ATG7: variants seen among roughly 807,000 people sequenced by gnomAD.
ATG7 encodes autophagy related 7.
ATG7 carries 70 observed loss-of-function variants against 82.4 expected under a neutral mutation model. The ratio of observed to expected loss-of-function variants is 0.85; its 90% confidence interval spans 0.70 to 1.04. The LOEUF is 1.04. Among genes scored for constraint, ATG7 ranks in the 50% least tolerant of loss-of-function variants. ATG7 has a pLI of 0.00. For synonymous variants in ATG7, 287 were observed against 313.0 expected, an observed-to-expected ratio of 0.92 and a Z score of 0.88; for missense variants, 792 against 864.3, an observed-to-expected ratio of 0.92 and a Z score of 1.05.
chr3:11,386,464 T>C (rs912550801), intron 19 of ATG7, among the ~76,000 whole-genome samples: 2 of 152,194 alleles, frequency 1.3e-5, no homozygotes, highest in African/African-American at 4.8e-5. Flanking sequence ...TGGTACTATA[T>C]TGAGGATACT....
At chr3:11,575,069 C>CA in the ATG7 span, among the ~76,000 whole-genome samples, 1 of 152,196 alleles carries the variant, frequency 6.6e-6, no homozygotes, top group South Asian at 2.1e-4. Context: ...GCCAACCCCC[C>CA]ATTCCCACTT....
At position 11,272,416 on chromosome 3, in the gene ATG7, G is replaced by C. The variant is rs1322190180; in HGVS notation, c.-380G>C. 6.6e-6 allele frequency: 1 copy of C among 152,508 alleles called. No homozygotes were observed. Among genetic ancestry groups the C allele is most frequent in the Non-Finnish European group, 1.5e-5 (1 of 68,128 alleles). The allele number at this position is 152,508 out of a possible 1,614,324, so 9.4% of individuals were successfully genotyped here. On this transcript the variant is annotated 5_prime_UTR_variant, in exon 1 of 21. Coordinates refer to ENST00000693202, the MANE Select transcript of ATG7 (RefSeq NM_001349232.2). ...CGCCTCAGAGAGAGCTGTGGTTGCC[G>C]GAAGTTGAGCGGCGGTAAGTGAGCC...
rs146594051 is a variant in ATG7, at chr3:11,524,123, C to G, written c.2080-30688C>G. 7.7e-3 allele frequency among the ~76,000 whole-genome samples: 1,178 copies of G among 152,334 alleles called. 10 individuals are homozygous for G. The highest frequency in any genetic ancestry group is 0.027 in the African/African-American group (1,135 of 41,576). On this transcript the variant is annotated intron_variant, in intron 20 of 20. Transcript: ENST00000693202. ...AAAGCAGCTTGAAATATTCTCTGTT[C>G]CATCAAAAGGAACCCCAAATCTCTC...
intron 20 of ATG7, among the ~76,000 whole-genome samples, chr3:11,494,135 A>C (rs2090621881): frequency 6.6e-6 from 1 of 152,222 alleles, no homozygotes; most frequent in Admixed American, 6.5e-5. Flanking sequence ...AGAAGGCTTT[A>C]ATCAGGCGCT....
chr3:11,572,989 G>A, the ATG7 span, among the ~76,000 whole-genome samples: 3 of 151,952 alleles, frequency 2.0e-5, no homozygotes, highest in South Asian at 2.1e-4. Context: ...CCAACATGGC[G>A]AATCCCCCTC....
intron 14 of ATG7, among the ~76,000 whole-genome samples, chr3:11,354,956 G>A (rs2075832609): frequency 6.6e-6 from 1 of 152,232 alleles, no homozygotes; most frequent in Non-Finnish European, 1.5e-5. Flanking sequence ...GCCCGTGAGA[G>A]CCCAGGGAGA....
At chr3:11,490,111 T>C (rs2090190644) in intron 20 of ATG7, among the ~76,000 whole-genome samples, 2 of 152,154 alleles carry the variant, frequency 1.3e-5, no homozygotes, top group Admixed American at 6.5e-5. Flanking sequence ...TGTGGGAGTC[T>C]AAGTCTCTTT....
intron 20 of ATG7, among the ~76,000 whole-genome samples, chr3:11,547,801 G>A (rs751652091): frequency 6.6e-6 from 1 of 152,120 alleles, no homozygotes; most frequent in Non-Finnish European, 1.5e-5. Flanking sequence ...GTGCTTCTTA[G>A]CAATTTGTGT....
Position 11,308,645 on chromosome 3 carries a change from C to A in ATG7, c.334-339C>A, listed in dbSNP as rs561434066. On this transcript the variant is annotated intron_variant, in intron 6 of 20. Transcript: ENST00000693202. ...CTGACTGTGTCTTTTATTTCTGTAA[C>A]CCTGATGTGCCTGGTATATAGTAGA... 1.4e-5 allele frequency: 4 copies of A among 285,998 alleles called. No homozygotes were observed. The South Asian group carries it at 1.9e-4, about 13-fold the overall frequency. 17.7% of individuals were successfully genotyped at this position (285,998 alleles called of 1,614,324 possible).
At chr3:11,417,805 A>ATTTTTTTTTTT (rs200364263) in intron 19 of ATG7, among the ~76,000 whole-genome samples, 4 of 52,752 alleles carry the variant, frequency 7.6e-5, no homozygotes, top group African/African-American at 1.3e-4. Context: ...TTATTATTTT[A>ATTTTTTTTTTT]TTTTATTTTA....
At chr3:11,455,707 A>G (rs1199858745) in intron 20 of ATG7, among the ~76,000 whole-genome samples, 1 of 152,200 alleles carries the variant, frequency 6.6e-6, no homozygotes, top group Non-Finnish European at 1.5e-5. Context: ...CGAGCTGGCC[A>G]CAACTACATC....
At chr3:11,329,461 C>G (rs1951333691) in intron 9 of ATG7, among the ~76,000 whole-genome samples, 2 of 152,178 alleles carry the variant, frequency 1.3e-5, no homozygotes, top group Non-Finnish European at 2.9e-5. Flanking sequence ...TCTCTGCCAG[C>G]AATTTCCCTC....
chr3:11,455,902 T>C (rs1939771460), intron 20 of ATG7, among the ~76,000 whole-genome samples: 1 of 152,206 alleles, frequency 6.6e-6, no homozygotes, highest in African/African-American at 2.4e-5. Flanking sequence ...TTTCAAACCA[T>C]CTAAGCCAGA....
chr3:11,320,109 T>C (rs2152734209), intron 9 of ATG7, among the ~76,000 whole-genome samples: 1 of 152,230 alleles, frequency 6.6e-6, no homozygotes, highest in Admixed American at 6.5e-5. Context: ...CCACAGGGCT[T>C]TTGCATGCAC....
At position 11,556,645 on chromosome 3, in the gene ATG7, T is replaced by C. The variant is rs771853057; in HGVS notation, c.*1802T>C. 2.6e-5 allele frequency: 4 copies of C among 152,260 alleles called. No individual in the cohort carries two copies. Among genetic ancestry groups the C allele is most frequent in the Admixed American group, 2.6e-4 (4 of 15,234 alleles). 9.4% of individuals were successfully genotyped at this position (152,260 alleles called of 1,614,324 possible). ...TTTTCCGAACAACAAAAAAAATGAATGATTACAATAGGAAAGGGAAAAATT... is the reference window on the plus strand; with the variant it reads ...TTTTCCGAACAACAAAAAAAATGAACGATTACAATAGGAAAGGGAAAAATT... On this transcript the variant is annotated 3_prime_UTR_variant, in exon 21 of 21. Transcript: ENST00000693202.
At chr3:11,511,029 G>A (rs1035858737) in intron 20 of ATG7, among the ~76,000 whole-genome samples, 9 of 152,144 alleles carry the variant, frequency 5.9e-5, no homozygotes, top group African/African-American at 1.9e-4. Context: ...TGGTGGGTTC[G>A]TGGTCTCGCT....
chr3:11,345,244 A>G (rs1954332321), intron 13 of ATG7, among the ~76,000 whole-genome samples: 2 of 152,014 alleles, frequency 1.3e-5, no homozygotes, highest in Admixed American at 6.6e-5. Flanking sequence ...GTCTCTACTA[A>G]AAATACAAAA....
At chr3:11,417,797 A>ATTT (rs1559578041) in intron 19 of ATG7, among the ~76,000 whole-genome samples, 2 of 43,132 alleles carry the variant, frequency 4.6e-5, no homozygotes, top group Non-Finnish European at 4.8e-5. Context: ...TATTATTATT[A>ATTT]TTATTTTATT....
In ATG7 at chr3:11,360,664, G is replaced by A. The variant is rs772073901; in HGVS notation, c.1563G>A (p.Gly521=). 5.0e-6 allele frequency: 8 copies of A among 1,614,144 alleles called. No homozygotes were observed. The South Asian group carries it at 5.5e-5, about 11-fold the overall frequency. ...GLKKPKQQGA[G]DLCPNHPVAS... The stretch of plus-strand genomic sequence containing the variant: ...AGAAACCAAAGCAGCAAGGAGCTGG[G>A]GACTTGTGTCCAAACCACCCTGTGG... Residue 521 remains glycine (G), a synonymous_variant, in exon 16 of 21, where the codon GGG becomes GGA. Transcript: ENST00000693202.
Sources: allele counts gnomAD v4.1 joint callset (sites outside exome capture counted in the v4.1 genomes callset), GRCh38; gene constraint gnomAD v4.1.1; transcripts MANE v1.5; gene names NCBI Gene and HGNC (gene_info 2026-07-23, HGNC 2026-07-21).